The following VMP1 variants were observed in gnomAD, a reference collection of about 807,000 sequenced individuals.
VMP1 encodes the protein ectopic P-granules autophagy protein 3 homolog.
VMP1 carries 11 observed loss-of-function variants against 56.0 expected under a neutral mutation model. The ratio of observed to expected loss-of-function variants is 0.20; its 90% confidence interval spans 0.12 to 0.32. VMP1 has a LOEUF of 0.32. Ranked by LOEUF, VMP1 falls within the 10% of genes least tolerant of loss-of-function variation. VMP1 has a pLI of 1.00. For missense variants in VMP1, 296 were observed against 490.3 expected (o/e 0.60, Z 3.74); for synonymous variants, 149 against 165.0 (o/e 0.90, Z 0.74).
intron 1 of VMP1, chr17:59,730,145 C>G (rs868368722): frequency 3.3e-5 from 5 of 151,976 alleles, no homozygotes; most frequent in Non-Finnish European, 7.4e-5. Context: ...CTCCTCTGTC[C>G]GTTTATTAAT....
At chr17:59,724,763 A>T (rs1328979551) in intron 1 of VMP1, among the ~76,000 whole-genome samples, 1 of 152,126 alleles carries the variant, frequency 6.6e-6, no homozygotes, top group Non-Finnish European at 1.5e-5. Flanking sequence ...CAGGAGATGG[A>T]GACCATCCTG....
chr17:59,829,279 G>C (rs1239886312), intron 10 of VMP1, among the ~76,000 whole-genome samples: 1 of 152,052 alleles, frequency 6.6e-6, no homozygotes, highest in African/African-American at 2.4e-5. Context: ...ACTTATTCTG[G>C]ATTAATAAAG....
At chr17:59,731,698 G>T (rs2034830438) in intron 2 of VMP1, among the ~76,000 whole-genome samples, 176 bp downstream of exon 2, 1 of 152,152 alleles carries the variant, frequency 6.6e-6, no homozygotes, top group African/African-American at 2.4e-5. Context: ...GATGGCAGAA[G>T]GAGCCTGGCC....
intron 5 of VMP1, among the ~76,000 whole-genome samples, chr17:59,746,868 TA>T (rs1445819756): frequency 2.0e-5 from 3 of 152,246 alleles, no homozygotes; most frequent in Non-Finnish European, 2.9e-5. Flanking sequence ...GGAGGCCTGT[TA>T]ATTTCTGAAA....
rs912542092 is a variant in VMP1, at chr17:59,740,076, C to CA, written c.414+1142dup. ...TGGGCGACAGAGCAAGACTCCGTCT[C>CA]AAAAAAAAAAAAAGAAAAAGAAAAA... is the stretch of plus-strand genomic sequence containing the variant. On this transcript the variant is annotated intron_variant, in intron 5 of 11. Transcript: ENST00000262291. Among the ~76,000 whole-genome samples the CA allele has an allele frequency of 1.6e-3, 170 of 104,400 alleles. No homozygotes were observed. The South Asian group carries it at 0.017, about 10-fold the overall frequency. 68.5% of individuals were successfully genotyped at this position (104,400 alleles called of 152,430 possible). A position where few individuals can be genotyped will look rare whatever the true frequency, so the allele number is the denominator to read the frequency against.
intron 10 of VMP1, 78 bp from the exon 11 acceptor site, chr17:59,838,217 G>A (rs2039045171): frequency 2.5e-6 from 3 of 1,216,602 alleles, no homozygotes; most frequent in Admixed American, 1.9e-5. Flanking sequence ...CAGGTGGTAA[G>A]TACATTTTCT....
At chr17:59,711,024 G>A (rs924803747) in intron 1 of VMP1, among the ~76,000 whole-genome samples, 7 of 151,202 alleles carry the variant, frequency 4.6e-5, no homozygotes, top group East Asian at 2.0e-4. Flanking sequence ...AGTGAGCCGA[G>A]ATCGCGCCAC....
chr17:59,711,631 G>C (rs569082487), intron 1 of VMP1, among the ~76,000 whole-genome samples: 23 of 152,234 alleles, frequency 1.5e-4, no homozygotes, highest in Non-Finnish European at 2.4e-4. Context: ...TATTATGTAG[G>C]CCCTTATATA....
intron 5 of VMP1, among the ~76,000 whole-genome samples, chr17:59,757,692 G>A (rs889551277): frequency 1.3e-5 from 2 of 151,580 alleles, no homozygotes; most frequent in Admixed American, 6.6e-5. Flanking sequence ...ACCAATCTTT[G>A]GAAAATATAA....
chr17:59,727,352 T>C (rs1258107797), intron 1 of VMP1, among the ~76,000 whole-genome samples: 2 of 152,058 alleles, frequency 1.3e-5, no homozygotes, highest in Non-Finnish European at 2.9e-5. Flanking sequence ...GCCAGGGTGG[T>C]CTCGATCTCC....
At chr17:59,721,915 G>A (rs935000786) in intron 1 of VMP1, among the ~76,000 whole-genome samples, 1 of 152,160 alleles carries the variant, frequency 6.6e-6, no homozygotes, top group African/African-American at 2.4e-5. Flanking sequence ...CCAAGATCAA[G>A]GTGCCAGCAG....
chr17:59,834,465 GT>G (rs1414820382), intron 10 of VMP1, among the ~76,000 whole-genome samples: 1 of 151,344 alleles, frequency 6.6e-6, no homozygotes, highest in Admixed American at 6.6e-5. Context: ...TGTTTTTTTG[GT>G]TTTTTTATTT....
At chr17:59,734,188 T>A (rs968164672) in intron 2 of VMP1, among the ~76,000 whole-genome samples, 2 of 152,154 alleles carry the variant, frequency 1.3e-5, no homozygotes, top group Non-Finnish European at 2.9e-5. Context: ...AGGGAGTTGG[T>A]TTTGCCTCAG....
chr17:59,811,766 A>G lies in VMP1; in HGVS notation c.892A>G (p.Ile298Val), dbSNP rs1387874532. 3 of 1,612,508 alleles carry G rather than the reference A, an allele frequency of 1.9e-6. No individual in the cohort carries two copies. The Admixed American group carries it at 5.0e-5, about 27-fold the overall frequency. The change falls in exon 9 of 12, where the codon ATA becomes GTA. Residue 298 changes from isoleucine to valine, a missense_variant. By Grantham distance (29) the Ile-to-Val change is conservative. Coordinates refer to ENST00000262291, the MANE Select transcript of VMP1 (RefSeq NM_030938.5). ...FFGATLIGKA[I>V]IKMHIQKIFV... ...TGGTGCAACCCTAATTGGAAAAGCA[A>G]TAATAAAAATGCATATCCAGGTAAT...
At chr17:59,838,140 G>C in intron 10 of VMP1, 155 bp from the exon 11 acceptor site, 3 of 207,138 alleles carry the variant, frequency 1.4e-5, no homozygotes, top group East Asian at 9.2e-5. Flanking sequence ...AGGGGTCACA[G>C]AATTTCAGCA....
intron 1 of VMP1, among the ~76,000 whole-genome samples, chr17:59,725,838 G>C (rs911599728): frequency 6.6e-6 from 1 of 152,124 alleles, no homozygotes; most frequent in Non-Finnish European, 1.5e-5. Flanking sequence ...TTTTTAGCAC[G>C]TTGTGTAAGA....
At chr17:59,775,190 C>T (rs917627302) in intron 7 of VMP1, among the ~76,000 whole-genome samples, 2 of 152,030 alleles carry the variant, frequency 1.3e-5, no homozygotes, top group Non-Finnish European at 2.9e-5. Flanking sequence ...GCAATCCACC[C>T]GCCTTGGCCT....
intron 5 of VMP1, among the ~76,000 whole-genome samples, chr17:59,751,073 C>CA (rs1475166433): frequency 6.6e-6 from 1 of 151,754 alleles, no homozygotes; most frequent in Non-Finnish European, 1.5e-5. Context: ...GCTGGGACTA[C>CA]AGGCGCCCAC....
At chr17:59,818,551 G>A (rs987665502) in intron 10 of VMP1, among the ~76,000 whole-genome samples, 8 of 152,032 alleles carry the variant, frequency 5.3e-5, no homozygotes, top group African/African-American at 1.7e-4. Context: ...CAGGCGGATC[G>A]CCTGAGGTTG....
Sources: allele counts gnomAD v4.1 joint callset (sites outside exome capture counted in the v4.1 genomes callset), GRCh38; gene constraint gnomAD v4.1.1; transcripts MANE v1.5; gene names NCBI Gene and HGNC (gene_info 2026-07-23, HGNC 2026-07-21).